Variants in MAST4 observed in about 807,000 individuals in gnomAD.
The protein encoded by MAST4 is microtubule associated serine/threonine kinase family member 4.
MAST4 carries 89 observed loss-of-function variants against 162.7 expected under a neutral mutation model. The ratio of observed to expected loss-of-function variants is 0.55; its 90% CI spans 0.46 to 0.65. The LOEUF is 0.65. MAST4 is among the 30% of genes least tolerant of loss of function. MAST4 has a pLI of 0.00. For missense variants in MAST4, 3,153 were observed against 3,374.0 expected (o/e 0.93, Z 1.62); for synonymous variants, 1,479 against 1,361.1 (o/e 1.09, Z -1.91).
chr5:67,104,804 C>G (rs933763289), intron 10 of MAST4, among the ~76,000 whole-genome samples: 14 of 152,030 alleles, frequency 9.2e-5, no homozygotes, highest in Admixed American at 5.2e-4. Flanking sequence ...AATCTTAGGA[C>G]CCAACAATCT....
At chr5:66,829,699 T>C (rs1757469740) in intron 3 of MAST4, among the ~76,000 whole-genome samples, 1 of 117,046 alleles carries the variant, frequency 8.5e-6, no homozygotes, top group Admixed American at 8.0e-5. Flanking sequence ...TCTTATATAT[T>C]ATTTTGATAT....
chr5:67,055,296 G>T (rs1019159375), intron 5 of MAST4, among the ~76,000 whole-genome samples: 2 of 152,182 alleles, frequency 1.3e-5, no homozygotes, highest in African/African-American at 4.8e-5. Flanking sequence ...CAAGGGTTTT[G>T]AGGAGGATCT....
chr5:67,144,398 G>A (rs1770786208), intron 21 of MAST4, among the ~76,000 whole-genome samples: 2 of 152,014 alleles, frequency 1.3e-5, no homozygotes, highest in South Asian at 4.2e-4. Context: ...CAGATACAAA[G>A]TCCGCAACAA....
intron 1 of MAST4, among the ~76,000 whole-genome samples, chr5:66,608,592 A>G (rs1743062948): frequency 6.6e-6 from 1 of 151,386 alleles, no homozygotes; most frequent in Admixed American, 6.6e-5. Context: ...TCACCTCCCA[A>G]TCCCTGCGGA....
chr5:66,979,503 T>G (rs1425833019), intron 4 of MAST4, among the ~76,000 whole-genome samples: 1 of 152,224 alleles, frequency 6.6e-6, no homozygotes, highest in Non-Finnish European at 1.5e-5. Flanking sequence ...CTGAATGGCC[T>G]TAAGGTCCAA....
At chr5:66,733,963 CA>C (rs1400649891) in intron 1 of MAST4, among the ~76,000 whole-genome samples, 3 of 152,158 alleles carry the variant, frequency 2.0e-5, no homozygotes, top group Non-Finnish European at 2.9e-5. Context: ...TTAATTTCTT[CA>C]ATATTTAACT....
chr5:67,114,294 G>C, intron 12 of MAST4, 75 bp downstream of exon 12: 1 of 1,510,710 alleles, frequency 6.6e-7, no homozygotes, highest in African/African-American at 1.4e-5. Context: ...TAAGTGGCAA[G>C]TCTTTATTTT....
At chr5:67,034,228 G>C (rs1755735221) in intron 4 of MAST4, among the ~76,000 whole-genome samples, 1 of 152,076 alleles carries the variant, frequency 6.6e-6, no homozygotes, top group Non-Finnish European at 1.5e-5. Flanking sequence ...TTTATGTAAG[G>C]TGCTGAAAGC....
intron 1 of MAST4, chr5:66,663,022 G>T: frequency 6.6e-6 from 1 of 152,290 alleles, no homozygotes; most frequent in Non-Finnish European, 1.5e-5. Flanking sequence ...TGTATTTTTA[G>T]TAGAGACGGG....
At chr5:66,947,797 G>T (rs2150121597) in intron 4 of MAST4, among the ~76,000 whole-genome samples, 1 of 152,118 alleles carries the variant, frequency 6.6e-6, no homozygotes, top group South Asian at 2.1e-4. Flanking sequence ...TGAGATCATG[G>T]GTATATTTTA....
intron 1 of MAST4, among the ~76,000 whole-genome samples, chr5:66,740,772 C>T (rs556446133): frequency 4.6e-5 from 7 of 152,268 alleles, no homozygotes; most frequent in African/African-American, 1.7e-4. Context: ...TGGTCTGTGG[C>T]TGGGTGACAG....
chr5:66,726,825 T>C (rs1751552413), intron 1 of MAST4, among the ~76,000 whole-genome samples: 1 of 152,140 alleles, frequency 6.6e-6, no homozygotes, highest in Non-Finnish European at 1.5e-5. Flanking sequence ...TGTGTGCTCC[T>C]TATGAGAATC....
intron 3 of MAST4, among the ~76,000 whole-genome samples, chr5:66,883,989 C>T (rs947345186): frequency 1.3e-5 from 2 of 152,124 alleles, no homozygotes; most frequent in South Asian, 2.1e-4. Flanking sequence ...CCTCTTTCAT[C>T]GTAGCACAAT....
intron 4 of MAST4, among the ~76,000 whole-genome samples, chr5:66,913,634 A>G (rs1194481990): frequency 1.3e-5 from 2 of 152,210 alleles, no homozygotes; most frequent in East Asian, 3.9e-4. Context: ...TTCTCTTTAT[A>G]GCATCTATTG....
At chr5:66,698,923 TC>T (rs1203239342) in intron 1 of MAST4, among the ~76,000 whole-genome samples, 4 of 152,212 alleles carry the variant, frequency 2.6e-5, no homozygotes, top group African/African-American at 9.6e-5. Flanking sequence ...CTCTTGTACT[TC>T]CTTGGTCTCT....
chr5:66,650,050 C>T (rs2149446604), intron 1 of MAST4, among the ~76,000 whole-genome samples: 1 of 152,142 alleles, frequency 6.6e-6, no homozygotes, highest in South Asian at 2.1e-4. Context: ...CAACTTGGAC[C>T]ATGTATTTCA....
intron 4 of MAST4, among the ~76,000 whole-genome samples, chr5:66,940,149 T>C (rs893020535): frequency 1.3e-5 from 2 of 152,148 alleles, no homozygotes; most frequent in Admixed American, 1.3e-4. Context: ...TTAAAAATAC[T>C]TTATTGCTAA....
intron 11 of MAST4, among the ~76,000 whole-genome samples, chr5:67,113,202 T>C (rs1766456080): frequency 6.7e-6 from 1 of 149,530 alleles, no homozygotes; most frequent in African/African-American, 2.5e-5. Flanking sequence ...TAGTCCCAGC[T>C]ACTAGGGGGG....
At chr5:66,773,729 A>T (rs1754460778) in intron 2 of MAST4, among the ~76,000 whole-genome samples, 2 of 152,194 alleles carry the variant, frequency 1.3e-5, no homozygotes. Flanking sequence ...CCATGCAAGG[A>T]TGCAACAAGA....
Sources: allele counts gnomAD v4.1 joint callset (sites outside exome capture counted in the v4.1 genomes callset), GRCh38; gene constraint gnomAD v4.1.1; transcripts MANE v1.5; gene names NCBI Gene and HGNC (gene_info 2026-07-23, HGNC 2026-07-21).